TAB2: variants seen among roughly 807,000 people sequenced by gnomAD.
The protein encoded by TAB2 is TGF-beta activated kinase 1 (MAP3K7) binding protein 2.
Under a neutral mutation model 65.0 loss-of-function variants are expected in TAB2, and 3 were observed. The ratio of observed to expected loss-of-function variants is 0.05; its 90% CI spans 0.02 to 0.12. TAB2 has a LOEUF of 0.12. Among genes scored for constraint, TAB2 ranks in the 10% least tolerant of loss-of-function variants. The probability of loss-of-function intolerance (pLI) is 1.00; values close to 1 mark genes in which losing one functional copy is unlikely to be tolerated. For synonymous variants in TAB2, 298 were observed against 285.1 expected (o/e 1.05, Z -0.46); for missense variants, 623 against 840.3 (o/e 0.74, Z 3.20).
intron 3 of TAB2, among the ~76,000 whole-genome samples, chr6:149,383,872 C>T (rs1020485212): frequency 5.9e-5 from 9 of 152,248 alleles, no homozygotes; most frequent in African/African-American, 1.7e-4. Context: ...CGTGAGCCAC[C>T]GCACCTAGCT....
At chr6:149,347,333 T>C (rs1780337749) in intron 1 of TAB2, 1 of 152,216 alleles carries the variant, frequency 6.6e-6, no homozygotes, top group African/African-American at 2.4e-5. Flanking sequence ...AATGGGAAAT[T>C]TTCTCTTTAA....
intron 1 of TAB2, among the ~76,000 whole-genome samples, chr6:149,265,991 T>A (rs1164914203): frequency 6.6e-6 from 1 of 152,232 alleles, no homozygotes; most frequent in Non-Finnish European, 1.5e-5. Context: ...CCTGAGGACC[T>A]GAAGCCCGTT....
At chr6:149,303,619 T>TA (rs1161261343) in intron 1 of TAB2, among the ~76,000 whole-genome samples, 1 of 152,238 alleles carries the variant, frequency 6.6e-6, no homozygotes, top group Non-Finnish European at 1.5e-5. Flanking sequence ...TGTATTTTCT[T>TA]AAAGTTCTAC....
At chr6:149,226,276 TGA>T (rs1237170667) in intron 1 of TAB2, among the ~76,000 whole-genome samples, 5 of 152,196 alleles carry the variant, frequency 3.3e-5, no homozygotes, top group African/African-American at 1.2e-4. Context: ...GGCTGTAGGC[TGA>T]GAGTGAATCA....
upstream of TAB2, among the ~76,000 whole-genome samples, chr6:149,315,130 A>G (rs115420827): frequency 0.015 from 2,310 of 152,320 alleles, 46 homozygotes; most frequent in African/African-American, 0.047. Flanking sequence ...TTGTAAAAGG[A>G]TCTATCATCT....
At chr6:149,394,317 C>T (rs1782095112) in intron 3 of TAB2, among the ~76,000 whole-genome samples, 1 of 151,810 alleles carries the variant, frequency 6.6e-6, no homozygotes, top group Non-Finnish European at 1.5e-5. Context: ...AATTGTGAAT[C>T]TTTTTTTTGC....
intron 1 of TAB2, among the ~76,000 whole-genome samples, chr6:149,334,511 T>C (rs2114761460): frequency 6.6e-6 from 1 of 152,102 alleles, no homozygotes; most frequent in African/African-American, 2.4e-5. Flanking sequence ...AGACCCCATC[T>C]CTAATAAAAA....
chr6:149,349,453 G>GT (rs1385144278), intron 1 of TAB2, among the ~76,000 whole-genome samples: 2 of 151,188 alleles, frequency 1.3e-5, no homozygotes, highest in African/African-American at 4.9e-5. Flanking sequence ...TCAAGAAAGA[G>GT]TTTTTTGAAA....
chr6:149,352,617 T>C (rs1780527308), intron 1 of TAB2, among the ~76,000 whole-genome samples: 2 of 152,238 alleles, frequency 1.3e-5, no homozygotes, highest in Non-Finnish European at 1.5e-5. Context: ...CCTTTGACCA[T>C]AGTCATCTTG....
At chr6:149,302,088 C>T (rs759484501) in intron 1 of TAB2, among the ~76,000 whole-genome samples, 27 of 152,034 alleles carry the variant, frequency 1.8e-4, no homozygotes, top group Non-Finnish European at 3.1e-4. Context: ...AAACTTACAG[C>T]CTGTTCTGTT....
chr6:149,323,365 A>C (rs1779511935), intron 1 of TAB2, among the ~76,000 whole-genome samples: 1 of 152,120 alleles, frequency 6.6e-6, no homozygotes, highest in Admixed American at 6.5e-5. Flanking sequence ...GTAATATAGC[A>C]GTTTTTAAAA....
chr6:149,362,529 A>C (rs1780885186), intron 1 of TAB2, among the ~76,000 whole-genome samples: 1 of 152,164 alleles, frequency 6.6e-6, no homozygotes, highest in Non-Finnish European at 1.5e-5. Context: ...ATCAGGCCCC[A>C]CCTCCAACAC....
chr6:149,357,748 G>T (rs1780711782), intron 1 of TAB2, among the ~76,000 whole-genome samples: 1 of 151,098 alleles, frequency 6.6e-6, no homozygotes, highest in Non-Finnish European at 1.5e-5. Context: ...CACCCAGGCT[G>T]GAGTGCAATG....
chr6:149,402,943 A>G (rs998349966), intron 6 of TAB2, among the ~76,000 whole-genome samples: 1 of 152,148 alleles, frequency 6.6e-6, no homozygotes, highest in Non-Finnish European at 1.5e-5. Flanking sequence ...ATTCATAATT[A>G]AAACTCTCAG....
chr6:149,293,252 A>G (rs1778809172), intron 1 of TAB2, among the ~76,000 whole-genome samples: 1 of 152,212 alleles, frequency 6.6e-6, no homozygotes, highest in South Asian at 2.1e-4. Flanking sequence ...TGAGTATAAA[A>G]TGTTCTGAAA....
At chr6:149,381,755 TG>T (rs1201306926) in intron 3 of TAB2, among the ~76,000 whole-genome samples, 8 of 151,696 alleles carry the variant, frequency 5.3e-5, no homozygotes, top group Admixed American at 4.6e-4. Flanking sequence ...TGTATTTTTT[TG>T]CAGACAGGGT....
intron 1 of TAB2, chr6:149,245,640 A>G (rs560847557): frequency 1.3e-5 from 2 of 151,794 alleles, no homozygotes; most frequent in South Asian, 4.2e-4. Context: ...ATATTGATGC[A>G]TGTGGGCAAA....
At chr6:149,351,830 A>G (rs147628520) in intron 1 of TAB2, among the ~76,000 whole-genome samples, 3 of 152,334 alleles carry the variant, frequency 2.0e-5, no homozygotes, top group African/African-American at 4.8e-5. Context: ...TAGTTAGATA[A>G]GACAGTGTGC....
rs1180252339 is a variant in TAB2 at position 149,329,972 on chromosome 6, T to G, written c.-90+11957T>G. On this transcript the variant is annotated intron_variant, in intron 1 of 6. Coordinates refer to ENST00000637181, the MANE Select transcript of TAB2 (RefSeq NM_001292034.3). ...TCATCATAAAGAGACTCCCTTGTTT[T>G]ACCCCTTAAGTTTCACCTTTCCTTC... is the stretch of plus-strand genomic sequence containing the variant. Among the ~76,000 whole-genome samples the G allele has an allele frequency of 2.0e-5, 3 of 152,220 alleles. No individual in the cohort carries two copies. The East Asian group carries it at 5.8e-4, about 29-fold the overall frequency.
Sources: allele counts gnomAD v4.1 joint callset (sites outside exome capture counted in the v4.1 genomes callset), GRCh38; gene constraint gnomAD v4.1.1; transcripts MANE v1.5; gene names NCBI Gene and HGNC (gene_info 2026-07-23, HGNC 2026-07-21).